RUFY3: variants seen among roughly 807,000 people sequenced by gnomAD.
RUFY3 encodes RUN and FYVE domain containing 3, also known as protein RUFY3.
RUFY3 carries 34 observed loss-of-function variants against 84.0 expected under a neutral mutation model. The ratio of observed to expected loss-of-function variants is 0.40; its 90% CI spans 0.31 to 0.54. The LOEUF (loss-of-function observed/expected upper bound fraction) is 0.54. Ranked by LOEUF, RUFY3 falls within the 20% of genes least tolerant of loss-of-function variation. The pLI is 0.39. For synonymous variants in RUFY3, 242 were observed against 252.9 expected (o/e 0.96, Z 0.41); for missense variants, 507 against 736.8 (o/e 0.69, Z 3.61).
chr4:70,713,372 A>ACTTG (rs1741211812), intron 1 of RUFY3, among the ~76,000 whole-genome samples: 2 of 152,212 alleles, frequency 1.3e-5, no homozygotes, highest in African/African-American at 4.8e-5. Context: ...TTGAGAAGGT[A>ACTTG]AGTAGCAATA....
At chr4:70,794,703 C>G in intron 13 of RUFY3, 92 bp from the exon 14 acceptor site, 1 of 796,776 alleles carries the variant, frequency 1.3e-6, no homozygotes, top group South Asian at 1.5e-5. Context: ...TTCGTAATTA[C>G]TGCACTTTAA....
chr4:70,767,265 T>G (rs1295015847), intron 4 of RUFY3, among the ~76,000 whole-genome samples: 1 of 125,970 alleles, frequency 7.9e-6, no homozygotes, highest in African/African-American at 3.3e-5. Flanking sequence ...TTGTATTTTT[T>G]TTTTTTTTTT....
chr4:70,790,265 C>T (rs776162622), intron 12 of RUFY3, among the ~76,000 whole-genome samples: 4 of 152,144 alleles, frequency 2.6e-5, no homozygotes, highest in Admixed American at 6.6e-5. Context: ...TATGTGAAAC[C>T]ACCATTTTCT....
At chr4:70,775,957 AC>A (rs1727894557) in intron 7 of RUFY3, among the ~76,000 whole-genome samples, 1 of 150,318 alleles carries the variant, frequency 6.7e-6, no homozygotes. Flanking sequence ...AAAAAAAAAA[AC>A]GAAAAAAAAG....
chr4:70,713,266 G>T (rs1002507372), intron 1 of RUFY3, among the ~76,000 whole-genome samples: 2 of 152,074 alleles, frequency 1.3e-5, no homozygotes, highest in African/African-American at 4.8e-5. Flanking sequence ...CAAGGGATCC[G>T]CCCGCCCCAA....
chr4:70,775,152 C>T lies in RUFY3; in HGVS notation c.759-16C>T. The T allele has an allele frequency of 6.4e-7, 1 of 1,570,100 alleles. No homozygotes were observed. Among genetic ancestry groups the T allele is most frequent in the Non-Finnish European group, 8.7e-7 (1 of 1,149,360 alleles). ...ATGTTATTTATTTTATTTCTATTTT[C>T]TTCCCCTTCCCCCAGAGACGGTCAG... On this transcript the variant is annotated splice_polypyrimidine_tract_variant and intron_variant, in intron 6 of 17. Coordinates refer to ENST00000381006, the MANE Select transcript of RUFY3 (RefSeq NM_001037442.4).
At chr4:70,757,536 C>T (rs577099665) in intron 1 of RUFY3, among the ~76,000 whole-genome samples, 1 of 151,202 alleles carries the variant, frequency 6.6e-6, no homozygotes, top group African/African-American at 2.4e-5. Flanking sequence ...CCCAGGAAGA[C>T]GAGGTTGCAG....
At chr4:70,773,696 CT>C in intron 6 of RUFY3, 124 bp downstream of exon 6, 1 of 620,974 alleles carries the variant, frequency 1.6e-6, no homozygotes, top group Non-Finnish European at 2.8e-6. Flanking sequence ...GATCATATAG[CT>C]TTAATAAAGT....
At chr4:70,799,371 C>T (rs1044244163) in intron 14 of RUFY3, 1 of 152,102 alleles carries the variant, frequency 6.6e-6, no homozygotes, top group African/African-American at 2.4e-5. Flanking sequence ...GAAACCCCAT[C>T]TCTACTAAAA....
At chr4:70,741,162 ATT>A (rs767040156) in intron 1 of RUFY3, among the ~76,000 whole-genome samples, 4 of 143,146 alleles carry the variant, frequency 2.8e-5, no homozygotes, top group African/African-American at 2.5e-5. Flanking sequence ...AAGTATTTGG[ATT>A]TTTTTTTTTT....
chr4:70,800,861 A>C (rs1219297964), intron 15 of RUFY3, among the ~76,000 whole-genome samples: 1 of 152,156 alleles, frequency 6.6e-6, no homozygotes, highest in Non-Finnish European at 1.5e-5. Flanking sequence ...CAGCCTGGGC[A>C]ATACAGTGAG....
chr4:70,710,136 G>A (rs532864673), intron 1 of RUFY3, among the ~76,000 whole-genome samples: 2 of 152,232 alleles, frequency 1.3e-5, no homozygotes, highest in African/African-American at 4.8e-5. Flanking sequence ...AAGGAGGTTC[G>A]AAATATACAT....
intron 17 of RUFY3, 68 bp downstream of exon 17, chr4:70,804,484 G>T: frequency 7.5e-7 from 1 of 1,335,328 alleles, no homozygotes; most frequent in Non-Finnish European, 1.1e-6. Flanking sequence ...TCCCTCCCCA[G>T]GAGTAACAGG....
intron 12 of RUFY3, chr4:70,791,134 A>T: frequency 9.7e-7 from 1 of 1,033,418 alleles, no homozygotes; most frequent in Non-Finnish European, 1.5e-6. Context: ...TTTGAGTATT[A>T]AGCTGACTTA....
chr4:70,752,607 T>C (rs1404400912), intron 1 of RUFY3, among the ~76,000 whole-genome samples: 1 of 152,220 alleles, frequency 6.6e-6, no homozygotes, highest in Non-Finnish European at 1.5e-5. Context: ...GTTTGTTGAA[T>C]GTTTTTATCA....
chr4:70,765,006 C>G (rs370685162), intron 4 of RUFY3, among the ~76,000 whole-genome samples: 2 of 151,756 alleles, frequency 1.3e-5, no homozygotes, highest in South Asian at 4.2e-4. Context: ...GTCAATATGT[C>G]GAAACCCTAT....
intron 1 of RUFY3, chr4:70,741,493 G>A (rs1721310609): frequency 3.3e-6 from 2 of 607,894 alleles, no homozygotes; most frequent in Non-Finnish European, 5.4e-6. Flanking sequence ...GTTAATCGCT[G>A]TGATAAGTAG....
At chr4:70,725,127 A>G (rs969998696) in intron 1 of RUFY3, among the ~76,000 whole-genome samples, 1 of 152,224 alleles carries the variant, frequency 6.6e-6, no homozygotes, top group Non-Finnish European at 1.5e-5. Flanking sequence ...GTGTGTACTC[A>G]GCAATAGAGG....
intron 1 of RUFY3, among the ~76,000 whole-genome samples, chr4:70,731,384 G>GTTTTCT (rs1719250103): frequency 6.6e-6 from 1 of 152,032 alleles, no homozygotes; most frequent in South Asian, 2.1e-4. Flanking sequence ...TTGTCCACAT[G>GTTTTCT]TTTTCTTTTT....
Sources: allele counts gnomAD v4.1 joint callset (sites outside exome capture counted in the v4.1 genomes callset), GRCh38; gene constraint gnomAD v4.1.1; transcripts MANE v1.5; gene names NCBI Gene and HGNC (gene_info 2026-07-23, HGNC 2026-07-21).